The following TACR3 variants were observed in gnomAD, a reference collection of about 807,000 sequenced individuals.
TACR3 encodes neuromedin-K receptor.
A neutral mutation model predicts 35.0 loss-of-function variants in TACR3; 34 were observed. The observed-to-expected ratio is 0.97, with a 90% CI of 0.74 to 1.30. The LOEUF (loss-of-function observed/expected upper bound fraction) is 1.30. Ranked by LOEUF, TACR3 falls within the 50% of genes most tolerant of loss-of-function variation. The probability of loss-of-function intolerance (pLI) is 0.00; values close to 1 mark genes in which losing one functional copy is unlikely to be tolerated. For synonymous variants in TACR3, 233 were observed against 221.1 expected (o/e 1.05, Z -0.48); for missense variants, 558 against 591.7 (o/e 0.94, Z 0.59).
chr4:103,656,466 A>G, intron 2 of TACR3, 122 bp from the exon 3 acceptor site: 2 of 902,682 alleles, frequency 2.2e-6, no homozygotes, highest in Non-Finnish European at 3.5e-6. Flanking sequence ...TTATCTCTAT[A>G]CATTCATCTC....
intron 3 of TACR3, among the ~76,000 whole-genome samples, chr4:103,644,290 C>G (rs1725416588): frequency 6.6e-6 from 1 of 151,760 alleles, no homozygotes; most frequent in Non-Finnish European, 1.5e-5. Context: ...TTCACTGTTT[C>G]AATTAGAAAC....
intron 3 of TACR3, among the ~76,000 whole-genome samples, chr4:103,637,554 C>T (rs1445467198): frequency 6.6e-6 from 1 of 152,138 alleles, no homozygotes; most frequent in Non-Finnish European, 1.5e-5. Context: ...TCTCTCACCA[C>T]TCCTATTCAA....
At chr4:103,647,472 T>C (rs1183322754) in intron 3 of TACR3, among the ~76,000 whole-genome samples, 3 of 151,896 alleles carry the variant, frequency 2.0e-5, no homozygotes, top group Non-Finnish European at 4.4e-5. Context: ...TTTATAGAAG[T>C]ATCATAATTT....
At chr4:103,593,409 TA>T in intron 3 of TACR3, 1 of 152,278 alleles carries the variant, frequency 6.6e-6, no homozygotes, top group Non-Finnish European at 1.5e-5. Flanking sequence ...ATAATTTTAA[TA>T]AAAATGCATG....
intron 3 of TACR3, among the ~76,000 whole-genome samples, chr4:103,638,598 A>G (rs913197018): frequency 2.0e-5 from 3 of 152,178 alleles, no homozygotes; most frequent in Non-Finnish European, 4.4e-5. Context: ...ATGGGATCTA[A>G]TTAAACCAAA....
chr4:103,718,524 T>C (rs1353990486), intron 1 of TACR3, among the ~76,000 whole-genome samples: 2 of 152,184 alleles, frequency 1.3e-5, no homozygotes. Flanking sequence ...AAATCTAATC[T>C]GAGATGTGGT....
intron 1 of TACR3, among the ~76,000 whole-genome samples, chr4:103,661,512 C>G (rs1038264222): frequency 6.6e-6 from 1 of 151,894 alleles, no homozygotes; most frequent in Admixed American, 6.6e-5. Context: ...GGTATTTAGA[C>G]AGTTGATTTT....
At chr4:103,638,115 A>G (rs1248493239) in intron 3 of TACR3, among the ~76,000 whole-genome samples, 2 of 152,326 alleles carry the variant, frequency 1.3e-5, no homozygotes, top group East Asian at 3.9e-4. Flanking sequence ...GAACCAAAAG[A>G]GAGCCCACAT....
rs150453465 is a variant in TACR3 at position 103,676,841 on chromosome 4, C to T, written c.549-18438G>A. Among the ~76,000 whole-genome samples, 14 of 152,030 alleles carry T rather than the reference C, an allele frequency of 9.2e-5. No individual in the cohort carries two copies. The East Asian group carries it at 1.5e-3, about 17-fold the overall frequency. Reference sequence around the variant, plus strand: ...ACAAAGTTTCCAAAAGCAATTGCAGCGAAAGCAAAAATAGACAAAAGGGAT... The same window carrying T: ...ACAAAGTTTCCAAAAGCAATTGCAGTGAAAGCAAAAATAGACAAAAGGGAT... On this transcript the variant is annotated intron_variant, in intron 1 of 4. Transcript: ENST00000304883.
chr4:103,595,677 C>T (rs958517789), intron 3 of TACR3, among the ~76,000 whole-genome samples: 1 of 151,422 alleles, frequency 6.6e-6, no homozygotes, highest in African/African-American at 2.4e-5. Flanking sequence ...AACTAAAATG[C>T]TGACAACTAT....
At chr4:103,646,980 A>G (rs1183916261) in intron 3 of TACR3, among the ~76,000 whole-genome samples, 1 of 151,964 alleles carries the variant, frequency 6.6e-6, no homozygotes, top group African/African-American at 2.4e-5. Flanking sequence ...TATCCTAAAT[A>G]TGAAATCTGT....
intron 1 of TACR3, among the ~76,000 whole-genome samples, chr4:103,716,573 T>C (rs551927344): frequency 6.6e-6 from 1 of 152,242 alleles, no homozygotes; most frequent in African/African-American, 2.4e-5. Flanking sequence ...GACCATTAGC[T>C]TAAGGTTCTC....
chr4:103,607,545 T>C (rs1157207800), intron 3 of TACR3, among the ~76,000 whole-genome samples: 3 of 152,194 alleles, frequency 2.0e-5, no homozygotes, highest in East Asian at 3.9e-4. Context: ...TCTAGCAGGC[T>C]GGATGTTTGG....
chr4:103,654,263 C>T (rs1725683132), intron 3 of TACR3, among the ~76,000 whole-genome samples: 1 of 151,472 alleles, frequency 6.6e-6, no homozygotes, highest in Non-Finnish European at 1.5e-5. Context: ...TTTATTGTGG[C>T]ACTATTCACA....
intron 3 of TACR3, among the ~76,000 whole-genome samples, chr4:103,624,064 G>T (rs34876367): frequency 0.094 from 14,253 of 152,150 alleles, 744 homozygotes; most frequent in Middle Eastern, 0.19. Flanking sequence ...TTTCATACTT[G>T]ATTGTCTGCC....
At chr4:103,689,411 A>C (rs1447487099) in intron 1 of TACR3, among the ~76,000 whole-genome samples, 1 of 152,184 alleles carries the variant, frequency 6.6e-6, no homozygotes, top group Non-Finnish European at 1.5e-5. Flanking sequence ...AATTGAAAAA[A>C]AGAAAAGCTT....
chr4:103,617,272 C>T (rs1196022511), intron 3 of TACR3, among the ~76,000 whole-genome samples: 3 of 151,732 alleles, frequency 2.0e-5, no homozygotes, highest in Non-Finnish European at 2.9e-5. Flanking sequence ...GTTAAAAAAT[C>T]GAGAATTTCA....
intron 1 of TACR3, among the ~76,000 whole-genome samples, chr4:103,703,330 T>C (rs771088318): frequency 7.2e-5 from 11 of 152,164 alleles, no homozygotes; most frequent in Non-Finnish European, 1.5e-4. Flanking sequence ...CCACCACTCA[T>C]CTCAGAACTT....
intron 1 of TACR3, among the ~76,000 whole-genome samples, chr4:103,680,342 T>C (rs1726263828): frequency 6.6e-6 from 1 of 151,420 alleles, no homozygotes; most frequent in Non-Finnish European, 1.5e-5. Flanking sequence ...AGGAGGAATG[T>C]TTAAGCTTGT....
Sources: allele counts gnomAD v4.1 joint callset (sites outside exome capture counted in the v4.1 genomes callset), GRCh38; gene constraint gnomAD v4.1.1; transcripts MANE v1.5; gene names NCBI Gene and HGNC (gene_info 2026-07-23, HGNC 2026-07-21).